The following PIGP variants were observed in gnomAD, a reference collection of about 807,000 sequenced individuals.
The protein encoded by PIGP is phosphatidylinositol glycan anchor biosynthesis class P.
PIGP carries 12 observed loss-of-function variants against 16.9 expected under a neutral mutation model. The ratio of observed to expected loss-of-function variants is 0.71; its 90% CI spans 0.46 to 1.15. PIGP has a LOEUF of 1.15. PIGP is among the 50% of genes most tolerant of loss of function. The probability of loss-of-function intolerance (pLI) is 0.00; values close to 1 mark genes in which losing one functional copy is unlikely to be tolerated. For synonymous variants in PIGP, 57 were observed against 54.7 expected, an observed-to-expected ratio of 1.04 and a Z score of -0.18; for missense variants, 159 against 153.5, an observed-to-expected ratio of 1.04 and a Z score of -0.19.
intron 4 of PIGP, among the ~76,000 whole-genome samples, chr21:37,066,822 C>T (rs947769033): frequency 6.6e-6 from 1 of 152,162 alleles, no homozygotes; most frequent in African/African-American, 2.4e-5. Context: ...TGGGAACATA[C>T]ACCTGCTAAC....
chr21:37,070,763 G>A (rs2069990777), intron 2 of PIGP, among the ~76,000 whole-genome samples: 1 of 152,144 alleles, frequency 6.6e-6, no homozygotes, highest in Admixed American at 6.5e-5. Context: ...TTGTGGGTAT[G>A]ATGGAATTTA....
chr21:37,072,567 C>T lies in PIGP; in HGVS notation c.-22-30G>A. ...GGAAAAGGAACACAATCAGCGTCAG[C>T]GATGTGCTCCGTGGCACCATTGATC... On this transcript the variant is annotated intron_variant, in intron 1 of 4. Transcript: ENST00000360525. The T allele has an allele frequency of 1.9e-6, 3 of 1,614,194 alleles. No homozygotes were observed. Among genetic ancestry groups the T allele is most frequent in the Non-Finnish European group, 2.5e-6 (3 of 1,180,016 alleles).
chr21:37,065,559 G>A lies in PIGP; in HGVS notation c.*23C>T. On this transcript the variant is annotated 3_prime_UTR_variant, in exon 5 of 5. Coordinates refer to ENST00000360525, the MANE Select transcript of PIGP (RefSeq NM_153682.3). Reference sequence around the variant, plus strand: ...AAACTTATAAATAAATACGTGCTTGGTGTTACTATGGTTACACACAGTTCA... The same window carrying A: ...AAACTTATAAATAAATACGTGCTTGATGTTACTATGGTTACACACAGTTCA... 6.2e-7 allele frequency: 1 copy of A among 1,600,042 alleles called. No homozygotes were observed. Among genetic ancestry groups the A allele is most frequent in the Non-Finnish European group, 8.5e-7 (1 of 1,175,558 alleles).
chr21:37,072,692 C>T, intron 1 of PIGP, 155 bp from the exon 2 acceptor site: 1 of 1,301,216 alleles, frequency 7.7e-7, no homozygotes, highest in Non-Finnish European at 1.1e-6. Flanking sequence ...CGAGCGCATA[C>T]AGACACCCAG....
rs776158421 is a variant in PIGP at position 37,072,472 on chromosome 21, T to A, written c.44A>T (p.Tyr15Phe). Residue 15 changes from tyrosine (Y) to phenylalanine (F), a missense_variant, in exon 2 of 5, where the codon TAT (tyrosine) becomes TTT (phenylalanine). By Grantham distance (22) the Tyr-to-Phe change is conservative (BLOSUM62 3). Transcript: ENST00000360525. Reference sequence around the variant, plus strand: ...GGAGCTTAAGAAAAGAACAAAGCCATAAATCGCTCTTTCTGGCAATGGCGA... The same window carrying A: ...GGAGCTTAAGAAAAGAACAAAGCCAAAAATCGCTCTTTCTGGCAATGGCGA... The part of the protein sequence containing the change: ...SPSPLPERAI[Y>F]GFVLFLSSQF... 7.4e-6 allele frequency: 12 copies of A among 1,614,214 alleles called. No individual in the cohort carries two copies. The South Asian group carries it at 1.1e-4, about 15-fold the overall frequency.
chr21:37,071,639 A>G (rs1388472579), intron 2 of PIGP, among the ~76,000 whole-genome samples: 2 of 152,196 alleles, frequency 1.3e-5, no homozygotes, highest in Non-Finnish European at 2.9e-5. Flanking sequence ...GTTAGGGTTC[A>G]GAAGTACTAC....
chr21:37,072,659 G>A (rs1047857028), intron 1 of PIGP, 122 bp from the exon 2 acceptor site: 7 of 1,544,206 alleles, frequency 4.5e-6, no homozygotes, highest in Middle Eastern at 2.0e-4. Flanking sequence ...CCGCGCCTCC[G>A]TCCGCAACCC....
At chr21:37,069,824 CT>C (rs895427265) in intron 2 of PIGP, among the ~76,000 whole-genome samples, 200 bp from the exon 3 acceptor site, 34 of 151,290 alleles carry the variant, frequency 2.2e-4, no homozygotes, top group African/African-American at 5.6e-4. Flanking sequence ...CTGTATTAGT[CT>C]TTTTTTTTAA....
At chr21:37,072,778 G>C in intron 1 of PIGP, 3 of 594,216 alleles carry the variant, frequency 5.0e-6, no homozygotes, top group Non-Finnish European at 8.8e-6. Context: ...ATAGACGCGC[G>C]CTCCAGCTCT....
In PIGP at chr21:37,067,284, G is replaced by A. The variant is rs1218519383; in HGVS notation, c.252C>T (p.Leu84=). The change falls in exon 4 of 5, where the codon CTC becomes CTT. Residue 84 remains leucine, a synonymous_variant. Transcript: ENST00000360525. ...FGINMMSTSP[L]DSIHTITDNY... is the part of the protein sequence containing the mutation. Reference sequence around the variant, plus strand: ...TACCTGTGATTGTATGGATGGAGTCGAGTGGAGAGGTACTCATCATGTTAA... The same window carrying A: ...TACCTGTGATTGTATGGATGGAGTCAAGTGGAGAGGTACTCATCATGTTAA... 6 of 1,593,992 alleles carry A rather than the reference G, an allele frequency of 3.8e-6. No individual in the cohort carries two copies. The highest frequency in any genetic ancestry group is 4.5e-5 in the East Asian group (2 of 44,786).
intron 4 of PIGP, among the ~76,000 whole-genome samples, chr21:37,066,411 C>T (rs138517955): frequency 4.5e-4 from 68 of 152,290 alleles, no homozygotes; most frequent in African/African-American, 1.6e-3. Context: ...TAGAAAGACA[C>T]TTAAAAATAA....
Position 37,065,439 on chromosome 21 carries a change from G to T in PIGP, c.*143C>A. ...TACTTGAACATTTACAATATTCATT[G>T]AACATAATCTAAGAGAAGGTCAACT... On this transcript the variant is annotated 3_prime_UTR_variant, in exon 5 of 5. Coordinates refer to ENST00000360525, the MANE Select transcript of PIGP (RefSeq NM_153682.3). 1 of 675,176 alleles carries T rather than the reference G, an allele frequency of 1.5e-6. No homozygotes were observed. The highest frequency in any genetic ancestry group is 2.4e-6 in the Non-Finnish European group (1 of 415,444). The allele number at this position is 675,176 out of a possible 1,614,324, so 41.8% of individuals were successfully genotyped here. A position where few individuals can be genotyped will look rare whatever the true frequency, so the allele number is the denominator to read the frequency against.
intron 2 of PIGP, 25 bp from the exon 3 acceptor site, chr21:37,069,649 A>G (rs1395280312): frequency 4.1e-6 from 6 of 1,471,790 alleles, no homozygotes; most frequent in Middle Eastern, 2.1e-4. Flanking sequence ...AAGAAAAAAA[A>G]GAGGAAGAGA....
intron 2 of PIGP, among the ~76,000 whole-genome samples, chr21:37,070,543 T>C (rs536988608): frequency 1.3e-5 from 2 of 152,308 alleles, no homozygotes; most frequent in East Asian, 1.9e-4. Context: ...CCACTTCGTA[T>C]CCTCCTTCCC....
At chr21:37,066,951 A>C (rs1273035108) in intron 4 of PIGP, among the ~76,000 whole-genome samples, 4 of 143,784 alleles carry the variant, frequency 2.8e-5, no homozygotes, top group Non-Finnish European at 4.6e-5. Context: ...TATTTCTCTT[A>C]GTAGCTTCTT....
chr21:37,072,595 T>TG, intron 1 of PIGP, 58 bp from the exon 2 acceptor site: 1 of 1,609,536 alleles, frequency 6.2e-7, no homozygotes, highest in Non-Finnish European at 8.5e-7. Flanking sequence ...CATTGATCCA[T>TG]TCTCGCCTCC....
At chr21:37,067,950 T>C (rs1399114268) in intron 3 of PIGP, among the ~76,000 whole-genome samples, 2 of 151,980 alleles carry the variant, frequency 1.3e-5, no homozygotes, top group African/African-American at 4.8e-5. Context: ...AATTCTCTGA[T>C]AGGACTCTAT....
intron 3 of PIGP, chr21:37,069,325 T>G: frequency 3.2e-6 from 1 of 314,074 alleles, no homozygotes; most frequent in East Asian, 5.3e-5. Context: ...AGGGTCATTT[T>G]AACAAGATTT....
At chr21:37,072,677 C>A (rs542835416) in intron 1 of PIGP, 140 bp from the exon 2 acceptor site, 40 of 1,452,646 alleles carry the variant, frequency 2.8e-5, no homozygotes, top group African/African-American at 2.4e-4. Context: ...CCCGCGCCCC[C>A]GCCTCGAGCG....
Sources: gnomAD v4.1 joint callset for allele counts (sites outside exome capture counted in the v4.1 genomes callset) on GRCh38, gnomAD v4.1.1 for gene constraint, MANE v1.5 for transcripts, NCBI Gene and HGNC (gene_info 2026-07-23, HGNC 2026-07-21) for gene names.